GABRG3: variants seen among roughly 807,000 people sequenced by gnomAD.
GABRG3 encodes gamma-aminobutyric acid type A receptor subunit gamma3.
In GABRG3, 25 loss-of-function variants were observed where a neutral mutation model predicts 48.8. The ratio of observed to expected loss-of-function variants is 0.51; its 90% CI spans 0.37 to 0.72. GABRG3 has a LOEUF of 0.72. Among genes scored for constraint, GABRG3 ranks in the 30% least tolerant of loss-of-function variants. The pLI is 0.00. For missense variants in GABRG3, 394 were observed against 577.9 expected, an observed-to-expected ratio of 0.68 and a Z score of 3.26; for synonymous variants, 227 against 217.6, an observed-to-expected ratio of 1.04 and a Z score of -0.38.
chr15:27,188,823 A>G (rs1462330604), intron 3 of GABRG3, among the ~76,000 whole-genome samples: 1 of 152,142 alleles, frequency 6.6e-6, no homozygotes, highest in African/African-American at 2.4e-5. Flanking sequence ...CCTGAATGGT[A>G]AAGCCTAGGT....
At chr15:27,424,086 G>A (rs1345160451) in intron 5 of GABRG3, among the ~76,000 whole-genome samples, 1 of 151,982 alleles carries the variant, frequency 6.6e-6, no homozygotes, top group African/African-American at 2.4e-5. Flanking sequence ...CCCAGCTCCT[G>A]GAAGGTAATC....
At chr15:27,085,871 A>G (rs767521109) in intron 3 of GABRG3, among the ~76,000 whole-genome samples, 2 of 152,196 alleles carry the variant, frequency 1.3e-5, no homozygotes, top group Non-Finnish European at 2.9e-5. Flanking sequence ...GCAAATCTAC[A>G]ATGATCATCT....
At chr15:27,484,172 G>A (rs1890165753) in intron 6 of GABRG3, among the ~76,000 whole-genome samples, 2 of 152,206 alleles carry the variant, frequency 1.3e-5, no homozygotes, top group African/African-American at 4.8e-5. Context: ...CTGACCTCAG[G>A]TGGTCCACGC....
chr15:27,114,292 T>C (rs1490027312), intron 3 of GABRG3, among the ~76,000 whole-genome samples: 3 of 152,194 alleles, frequency 2.0e-5, no homozygotes, highest in African/African-American at 7.2e-5. Context: ...CAGTAGACAT[T>C]GTTTCTAGGA....
chr15:27,444,684 T>C (rs894687052), intron 5 of GABRG3, among the ~76,000 whole-genome samples: 1 of 152,198 alleles, frequency 6.6e-6, no homozygotes, highest in Non-Finnish European at 1.5e-5. Flanking sequence ...TTTAATTTGC[T>C]CCACTTTGCT....
At chr15:27,439,769 A>G (rs942176316) in intron 5 of GABRG3, among the ~76,000 whole-genome samples, 6 of 152,120 alleles carry the variant, frequency 3.9e-5, no homozygotes, top group African/African-American at 1.4e-4. Flanking sequence ...TGAGATTGCA[A>G]CTGGAATTTG....
At position 27,306,623 on chromosome 15, in the gene GABRG3, A is replaced by G. The variant is rs889022665; in HGVS notation, c.271-20186A>G. Among the ~76,000 whole-genome samples the G allele has an allele frequency of 2.4e-3, 285 of 120,242 alleles. 5 individuals are homozygous for G. The highest frequency in any genetic ancestry group is 1.6e-3 in the Admixed American group (18 of 11,544). The allele number at this position is 120,242 out of a possible 152,430, so 78.9% of individuals were successfully genotyped here. A position where few individuals can be genotyped will look rare whatever the true frequency, so the allele number is the denominator to read the frequency against. ...CATATGTTTATATATAAACATATATAATATAAACATATATTTATATATAAA... is the reference window on the plus strand; with the variant it reads ...CATATGTTTATATATAAACATATATGATATAAACATATATTTATATATAAA... On this transcript the variant is annotated intron_variant, in intron 3 of 9. Coordinates refer to ENST00000615808, the MANE Select transcript of GABRG3 (RefSeq NM_033223.5).
intron 5 of GABRG3, among the ~76,000 whole-genome samples, chr15:27,391,461 A>AAAT (rs562235488): frequency 9.2e-5 from 14 of 151,980 alleles, no homozygotes; most frequent in African/African-American, 1.9e-4. Flanking sequence ...CAGGTAGTAA[A>AAAT]AATAATAATA....
chr15:27,261,935 T>C (rs972526393), intron 3 of GABRG3, among the ~76,000 whole-genome samples: 13 of 152,248 alleles, frequency 8.5e-5, no homozygotes, highest in Non-Finnish European at 1.5e-4. Flanking sequence ...CTGCATCTTA[T>C]GTATGCCCAA....
chr15:26,995,224 T>G (rs1272216008), intron 2 of GABRG3, among the ~76,000 whole-genome samples: 2 of 152,042 alleles, frequency 1.3e-5, no homozygotes, highest in African/African-American at 4.8e-5. Flanking sequence ...TCTAGTAGCA[T>G]TTTCAGTTTA....
intron 3 of GABRG3, among the ~76,000 whole-genome samples, chr15:27,188,813 C>G (rs1888191391): frequency 6.6e-6 from 1 of 152,128 alleles, no homozygotes. Context: ...ATGCCTATGT[C>G]CTGAATGGTA....
chr15:27,346,077 GA>G lies in GABRG3; in HGVS notation c.574+17191del, dbSNP rs369424226. On this transcript the variant is annotated intron_variant, in intron 5 of 9. Transcript: ENST00000615808. ...TCNAAAANNAAAAAAGAGAGAGAAA[GA>G]AGAGAGAGAAAGAAAGAAAGGAAAG... is the stretch of plus-strand genomic sequence containing the variant. Among the ~76,000 whole-genome samples, 817 of 111,542 alleles carry G rather than the reference GA, an allele frequency of 7.3e-3. 18 individuals carry two copies. Among genetic ancestry groups the G allele is most frequent in the African/African-American group, 0.026 (741 of 28,434 alleles). The allele number at this position is 111,542 out of a possible 152,430, so 73.2% of individuals were successfully genotyped here. A position where few individuals can be genotyped will look rare whatever the true frequency, so the allele number is the denominator to read the frequency against.
chr15:27,429,510 T>A (rs951542344), intron 5 of GABRG3, among the ~76,000 whole-genome samples: 2 of 152,218 alleles, frequency 1.3e-5, no homozygotes, highest in Admixed American at 1.3e-4. Flanking sequence ...ATTCTGCAAC[T>A]GTCACCACTG....
At chr15:27,023,361 G>A (rs1895930689) in intron 2 of GABRG3, among the ~76,000 whole-genome samples, 1 of 152,142 alleles carries the variant, frequency 6.6e-6, no homozygotes. Flanking sequence ...GTACAGTTGA[G>A]TGGCAGTAGG....
chr15:27,185,950 CTTATAAACAA>C (rs2140419305), intron 3 of GABRG3, among the ~76,000 whole-genome samples: 1 of 150,232 alleles, frequency 6.7e-6, no homozygotes. Context: ...ATGTGAATTT[CTTATAAACAA>C]TATGCAGTTG....
intron 3 of GABRG3, among the ~76,000 whole-genome samples, chr15:27,217,293 A>C (rs1889292526): frequency 6.6e-6 from 1 of 152,186 alleles, no homozygotes; most frequent in Non-Finnish European, 1.5e-5. Flanking sequence ...CATTTCAATT[A>C]AGGAATTTTT....
intron 6 of GABRG3, among the ~76,000 whole-genome samples, chr15:27,506,383 G>A (rs547983285): frequency 6.6e-6 from 1 of 152,272 alleles, no homozygotes; most frequent in South Asian, 2.1e-4. Context: ...AGAGAGTTGA[G>A]GCACCAGAAG....
chr15:27,380,677 A>C (rs1895738128), intron 5 of GABRG3, among the ~76,000 whole-genome samples: 1 of 151,010 alleles, frequency 6.6e-6, no homozygotes, highest in East Asian at 1.9e-4. Flanking sequence ...ATAAGGTCTG[A>C]GTCATGTAAT....
intron 3 of GABRG3, among the ~76,000 whole-genome samples, chr15:27,265,762 CAGA>C (rs1365541088): frequency 2.6e-5 from 4 of 152,072 alleles, no homozygotes; most frequent in Non-Finnish European, 5.9e-5. Context: ...CTTTTAAAAG[CAGA>C]AGTTTTCAAT....
Sources: gnomAD v4.1 joint callset for allele counts (sites outside exome capture counted in the v4.1 genomes callset) on GRCh38, gnomAD v4.1.1 for gene constraint, MANE v1.5 for transcripts, NCBI Gene and HGNC (gene_info 2026-07-23, HGNC 2026-07-21) for gene names.